Variants in ERG observed in about 807,000 individuals in gnomAD.
ERG encodes the protein transcriptional regulator ERG.
A neutral mutation model predicts 55.3 loss-of-function variants in ERG; 9 were observed. That is an observed-to-expected ratio of 0.16 (90% CI 0.10 to 0.28). The LOEUF (loss-of-function observed/expected upper bound fraction) is 0.28. Ranked by LOEUF, ERG falls within the 10% of genes least tolerant of loss-of-function variation. ERG has a pLI of 1.00. For synonymous variants in ERG, 223 were observed against 237.3 expected (o/e 0.94, Z 0.55); for missense variants, 434 against 631.6 (o/e 0.69, Z 3.35).
intron 4 of ERG, 123 bp from the exon 5 acceptor site, chr21:38,402,760 C>A (rs1988567486): frequency 4.4e-6 from 3 of 677,166 alleles, no homozygotes; most frequent in Non-Finnish European, 7.2e-6. Flanking sequence ...GAAAACCGTT[C>A]CCCCACTCCC....
intron 2 of ERG, among the ~76,000 whole-genome samples, chr21:38,537,502 A>T (rs1285842854): frequency 1.3e-5 from 2 of 152,234 alleles, no homozygotes; most frequent in Non-Finnish European, 2.9e-5. Context: ...AACCCAATTT[A>T]AAAATGGGCA....
At chr21:38,553,478 A>G (rs1264590167) in intron 2 of ERG, among the ~76,000 whole-genome samples, 1 of 152,206 alleles carries the variant, frequency 6.6e-6, no homozygotes, top group Non-Finnish European at 1.5e-5. Flanking sequence ...ACTAGTACAA[A>G]AACAGACACA....
At chr21:38,455,505 C>T (rs932382568) in intron 1 of ERG, among the ~76,000 whole-genome samples, 2 of 152,056 alleles carry the variant, frequency 1.3e-5, no homozygotes, top group South Asian at 2.1e-4. Context: ...GAAGGAGCTC[C>T]GTGAAAAATC....
At chr21:38,505,212 C>T (rs775802308) in intron 2 of ERG, among the ~76,000 whole-genome samples, 74 of 152,168 alleles carry the variant, frequency 4.9e-4, no homozygotes, top group South Asian at 8.3e-4. Context: ...AGGCTACCTG[C>T]GGATGCAATG....
At chr21:38,660,046 C>T (rs2060542557) in intron 1 of ERG, among the ~76,000 whole-genome samples, 2 of 59,130 alleles carry the variant, frequency 3.4e-5, no homozygotes, top group African/African-American at 8.9e-5. Context: ...GGAAAGGGAC[C>T]GCTCCTGGCG....
Position 38,381,279 on chromosome 21 carries a change from G to C in ERG, c.*2124C>G, listed in dbSNP as rs1054308633. The C allele has an allele frequency of 6.6e-6, 7 of 1,065,088 alleles. No individual in the cohort carries two copies. The highest frequency in any genetic ancestry group is 4.5e-5 in the South Asian group (1 of 21,982). 66.0% of individuals were successfully genotyped at this position (1,065,088 alleles called of 1,614,324 possible). The stretch of plus-strand genomic sequence containing the variant: ...GAAACCTATTCAGCTAAGATGTTTC[G>C]GCTAGCGCCTTCGCACGGTCACCTT... On this transcript the variant is annotated 3_prime_UTR_variant, in exon 10 of 10. Transcript: ENST00000288319.
intron 2 of ERG, among the ~76,000 whole-genome samples, chr21:38,536,103 G>A (rs548992589): frequency 5.9e-5 from 9 of 152,242 alleles, no homozygotes; most frequent in African/African-American, 1.9e-4. Context: ...TAGGGATGGA[G>A]TACATGTGAT....
chr21:38,499,177 C>T (rs1429236680), upstream of ERG, among the ~76,000 whole-genome samples: 1 of 152,004 alleles, frequency 6.6e-6, no homozygotes, highest in Non-Finnish European at 1.5e-5. Flanking sequence ...TTATTAAAAC[C>T]CAAATAACTG....
chr21:38,481,780 A>G (rs1005431179), intron 1 of ERG, among the ~76,000 whole-genome samples: 2 of 152,356 alleles, frequency 1.3e-5, no homozygotes, highest in East Asian at 3.9e-4. Context: ...ACCAGCAGAC[A>G]TATTTAAAAG....
At chr21:38,650,825 GTGCAACC>G (rs2060484484) in intron 1 of ERG, among the ~76,000 whole-genome samples, 2 of 152,318 alleles carry the variant, frequency 1.3e-5, no homozygotes, top group Non-Finnish European at 2.9e-5. Flanking sequence ...CCTGTGTTAT[GTGCAACC>G]TGTCATGATC....
At chr21:38,622,656 T>C (rs1218604072) in intron 1 of ERG, among the ~76,000 whole-genome samples, 2 of 123,450 alleles carry the variant, frequency 1.6e-5, no homozygotes, top group Admixed American at 1.7e-4. Context: ...ACACGTCACA[T>C]ACACACCACA....
At chr21:38,581,938 G>A (rs1189883367) in intron 1 of ERG, among the ~76,000 whole-genome samples, 1 of 151,812 alleles carries the variant, frequency 6.6e-6, no homozygotes, top group Non-Finnish European at 1.5e-5. Context: ...AGCTGCTCAG[G>A]AGGCTGAGGC....
chr21:38,432,572 G>A (rs892016312), intron 2 of ERG, among the ~76,000 whole-genome samples: 29 of 152,150 alleles, frequency 1.9e-4, no homozygotes, highest in African/African-American at 4.3e-4. Context: ...CTCTTTCCAC[G>A]TGTTTATGTT....
chr21:38,643,203 T>C (rs1167616641), intron 1 of ERG, among the ~76,000 whole-genome samples: 1 of 152,214 alleles, frequency 6.6e-6, no homozygotes, highest in Admixed American at 6.5e-5. Flanking sequence ...TACTGTCTGC[T>C]TCACAGGTCC....
intron 6 of ERG, among the ~76,000 whole-genome samples, chr21:38,396,336 G>A (rs1046076063): frequency 3.9e-5 from 6 of 152,306 alleles, no homozygotes; most frequent in Non-Finnish European, 2.9e-5. Flanking sequence ...AGAACTAAGC[G>A]GAAGCAAAGA....
upstream of ERG, among the ~76,000 whole-genome samples, chr21:38,586,370 T>C (rs2060065106): frequency 6.6e-6 from 1 of 152,034 alleles, no homozygotes; most frequent in African/African-American, 2.4e-5. Context: ...CTACAGTCAA[T>C]AGATCATAGG....
Position 38,383,314 on chromosome 21 carries a change from T to C in ERG, c.*89A>G. The C allele has an allele frequency of 1.5e-6, 2 of 1,358,796 alleles. No individual in the cohort carries two copies. Among genetic ancestry groups the C allele is most frequent in the South Asian group, 2.5e-5 (1 of 40,182 alleles). 84.2% of individuals were successfully genotyped at this position (1,358,796 alleles called of 1,614,324 possible). ...CCCAGTAAAGCTTTTTTCATTCCTCTTGAGGCACTTTTGATTCATGTTCTC... is the reference window on the plus strand; with the variant it reads ...CCCAGTAAAGCTTTTTTCATTCCTCCTGAGGCACTTTTGATTCATGTTCTC... On this transcript the variant is annotated 3_prime_UTR_variant, in exon 10 of 10. Coordinates refer to ENST00000288319, the MANE Select transcript of ERG (RefSeq NM_182918.4). The surrounding 1 kb of genome is among the most constrained non-coding windows in gnomAD (Gnocchi z 5.7).
At chr21:38,623,167 C>A (rs2060304067) in intron 1 of ERG, among the ~76,000 whole-genome samples, 1 of 151,326 alleles carries the variant, frequency 6.6e-6, no homozygotes, top group African/African-American at 2.4e-5. Context: ...CACACACACA[C>A]ACATTACATA....
chr21:38,591,256 T>G (rs1416819718), intron 1 of ERG, among the ~76,000 whole-genome samples: 1 of 152,216 alleles, frequency 6.6e-6, no homozygotes, highest in Non-Finnish European at 1.5e-5. Context: ...GGTCCTGGAT[T>G]TGGCAACTTA....
Sources: allele counts gnomAD v4.1 joint callset (sites outside exome capture counted in the v4.1 genomes callset), GRCh38; gene constraint gnomAD v4.1.1; non-coding constraint Gnocchi (gnomAD v3.1); transcripts MANE v1.5; gene names NCBI Gene and HGNC (gene_info 2026-07-23, HGNC 2026-07-21).